DCAF8: variants seen among roughly 807,000 people sequenced by gnomAD.
DCAF8 encodes DDB1 and CUL4 associated factor 8, also known as DDB1- and CUL4-associated factor 8.
Under a neutral mutation model 68.0 loss-of-function variants are expected in DCAF8, and 20 were observed. The observed-to-expected ratio is 0.29, with a 90% CI of 0.21 to 0.43. The LOEUF (loss-of-function observed/expected upper bound fraction) is 0.43, where lower values mean the gene tolerates loss of function less well. DCAF8 is among the 20% of genes least tolerant of loss of function. The pLI, the probability that DCAF8 is intolerant of heterozygous loss-of-function variation, is 1.00. For synonymous variants in DCAF8, 230 were observed against 276.9 expected (o/e 0.83, Z 1.68); for missense variants, 460 against 771.0 (o/e 0.60, Z 4.78).
intron 2 of DCAF8, among the ~76,000 whole-genome samples, chr1:160,247,492 T>G (rs1039268640): frequency 1.3e-5 from 2 of 152,230 alleles, no homozygotes; most frequent in African/African-American, 4.8e-5. Flanking sequence ...TTAAAACTAC[T>G]GGGGCTGCTC....
In DCAF8 at chr1:160,243,918, G is replaced by A. The variant is rs575544938; in HGVS notation, c.49+42C>T. ...TCTTGCAGGGAGGAGGACAACCTCA[G>A]TTGATAGTAAAAATAGCTTCACCTT... is the stretch of plus-strand genomic sequence containing the variant. On this transcript the variant is annotated intron_variant, in intron 3 of 13. Coordinates refer to ENST00000368074, the MANE Select transcript of DCAF8 (RefSeq NM_015726.4). 42 of 1,603,916 alleles carry A rather than the reference G, an allele frequency of 2.6e-5. No homozygotes were observed. The East Asian group carries it at 7.6e-4, about 29-fold the overall frequency.
intron 13 of DCAF8, 115 bp downstream of exon 13, chr1:160,218,209 G>A: frequency 1.3e-6 from 1 of 790,422 alleles, no homozygotes; most frequent in South Asian, 1.5e-5. Flanking sequence ...AGAGGACAGT[G>A]GATAGGAAAT....
intron 2 of DCAF8, among the ~76,000 whole-genome samples, chr1:160,244,242 T>C (rs750070793): frequency 1.3e-5 from 2 of 152,202 alleles, no homozygotes; most frequent in African/African-American, 4.8e-5. Flanking sequence ...AATGATATAT[T>C]TTTGGGGAGG....
At chr1:160,254,972 T>C (rs1656769240) in intron 2 of DCAF8, among the ~76,000 whole-genome samples, 1 of 152,196 alleles carries the variant, frequency 6.6e-6, no homozygotes, top group Non-Finnish European at 1.5e-5. Flanking sequence ...TTAAAAATAA[T>C]GTATGCTAAG....
intron 2 of DCAF8, among the ~76,000 whole-genome samples, chr1:160,259,331 G>A (rs1006702311): frequency 4.6e-5 from 7 of 152,082 alleles, no homozygotes; most frequent in African/African-American, 1.7e-4. Context: ...TCAGGAGATT[G>A]AGACCACCCT....
chr1:160,250,008 G>A (rs78160541), intron 2 of DCAF8, among the ~76,000 whole-genome samples: 2,410 of 152,276 alleles, frequency 0.016, 63 homozygotes, highest in African/African-American at 0.049. Flanking sequence ...AACTGACTAC[G>A]AAAGGGCATG....
chr1:160,226,070 T>C (rs530378200), intron 7 of DCAF8, among the ~76,000 whole-genome samples: 1 of 152,306 alleles, frequency 6.6e-6, no homozygotes, highest in African/African-American at 2.4e-5. Flanking sequence ...CCTTAAATCC[T>C]TTATCCACAT....
Position 160,218,117 on chromosome 1 carries a change from A to G in DCAF8, c.1677+207T>C, listed in dbSNP as rs535059901. The G allele has an allele frequency of 6.4e-5, 40 of 625,792 alleles. No individual in the cohort carries two copies. The South Asian group carries it at 6.7e-4, about 11-fold the overall frequency. The allele number at this position is 625,792 out of a possible 1,614,324, so 38.8% of individuals were successfully genotyped here. On this transcript the variant is annotated intron_variant, in intron 13 of 13. Coordinates refer to ENST00000368074, the MANE Select transcript of DCAF8 (RefSeq NM_015726.4). ...TGCCTTTATGAAGATAGCATTACAC[A>G]TGGACGGCAATGGACAAAAGTAGAT...
chr1:160,237,284 T>C, intron 5 of DCAF8, 55 bp from the exon 6 acceptor site: 2 of 1,233,608 alleles, frequency 1.6e-6, no homozygotes, highest in Admixed American at 2.3e-5. Flanking sequence ...TTAGAGGTCA[T>C]CTAGTTCATT....
intron 11 of DCAF8, chr1:160,221,078 C>T (rs1449542182): frequency 1.3e-5 from 2 of 152,224 alleles, no homozygotes; most frequent in Non-Finnish European, 2.9e-5. Context: ...AAGTAGATGC[C>T]TTCCTCACCT....
At chr1:160,259,361 C>G (rs1193361316) in intron 2 of DCAF8, among the ~76,000 whole-genome samples, 2 of 152,076 alleles carry the variant, frequency 1.3e-5, no homozygotes, top group Admixed American at 6.6e-5. Context: ...GGTGAAACCC[C>G]TCCTCTACTA....
intron 2 of DCAF8, among the ~76,000 whole-genome samples, chr1:160,256,284 T>A (rs1656834526): frequency 6.6e-6 from 1 of 152,216 alleles, no homozygotes; most frequent in African/African-American, 2.4e-5. Flanking sequence ...TAACAGTTTT[T>A]GCCATTTATA....
At chr1:160,256,012 C>CTTT (rs11284812) in intron 2 of DCAF8, among the ~76,000 whole-genome samples, 9 of 75,522 alleles carry the variant, frequency 1.2e-4, no homozygotes, top group Admixed American at 3.4e-4. Flanking sequence ...ACTAAGCAAA[C>CTTT]TTTTTTTTTT....
chr1:160,230,400 C>T (rs1334002871), intron 7 of DCAF8, among the ~76,000 whole-genome samples: 7 of 152,104 alleles, frequency 4.6e-5, no homozygotes, highest in Admixed American at 2.6e-4. Context: ...CAGCTTATTA[C>T]TAAGGGTCAG....
intron 2 of DCAF8, among the ~76,000 whole-genome samples, chr1:160,248,853 T>C (rs1557840357): frequency 6.6e-6 from 1 of 151,156 alleles, no homozygotes; most frequent in Non-Finnish European, 1.5e-5. Context: ...ATGATCCTGC[T>C]ACTCACTGCA....
intron 3 of DCAF8, among the ~76,000 whole-genome samples, chr1:160,240,581 T>C (rs1015318641): frequency 2.0e-5 from 3 of 152,094 alleles, no homozygotes; most frequent in Middle Eastern, 3.2e-3. Flanking sequence ...TCCACACACA[T>C]AAAATACTTC....
chr1:160,217,650 G>A lies in DCAF8; in HGVS notation c.1736C>T (p.Ser579Phe). Reference protein sequence around the residue: ...TDADSDESPSSSDTSDEEEGP... With the variant: ...TDADSDESPSFSDTSDEEEGP... ...CTCCTCCTCGTCCGATGTGTCTGAG[G>A]AGCTGGGAGACTCATCAGAGTCCGC... Residue 579 changes from serine to phenylalanine, a missense_variant, in exon 14 of 14, where the codon TCC becomes TTC. By Grantham distance (155) the Ser-to-Phe change is radical. Transcript: ENST00000368074. 7.4e-6 allele frequency: 12 copies of A among 1,614,174 alleles called. No individual in the cohort carries two copies. The highest frequency in any genetic ancestry group is 1.0e-5 in the Non-Finnish European group (12 of 1,180,030).
At chr1:160,231,439 T>C (rs1557832530) in intron 6 of DCAF8, 32 bp from the exon 7 acceptor site, 3 of 1,537,318 alleles carry the variant, frequency 2.0e-6, no homozygotes, top group South Asian at 2.2e-5. Context: ...GAAAGTTATA[T>C]ACTCCAAAAG....
intron 3 of DCAF8, among the ~76,000 whole-genome samples, chr1:160,241,361 T>G (rs1050737827): frequency 1.8e-4 from 28 of 152,214 alleles, no homozygotes; most frequent in African/African-American, 5.8e-4. Flanking sequence ...TAGTCACACA[T>G]TTTTAGTCTC....
Sources: gnomAD v4.1 joint callset for allele counts (sites outside exome capture counted in the v4.1 genomes callset) on GRCh38, gnomAD v4.1.1 for gene constraint, MANE v1.5 for transcripts, NCBI Gene and HGNC (gene_info 2026-07-23, HGNC 2026-07-21) for gene names.